The following SREBF1 variants were observed in gnomAD, a reference collection of about 807,000 sequenced individuals.
SREBF1 encodes sterol regulatory element binding transcription factor 1.
Under a neutral mutation model 100.1 loss-of-function variants are expected in SREBF1, and 45 were observed. The observed-to-expected ratio is 0.45, with a 90% CI of 0.35 to 0.58. The LOEUF is 0.58. Ranked by LOEUF, SREBF1 falls within the 20% of genes least tolerant of loss-of-function variation. The pLI is 0.00. For missense variants in SREBF1, 1,324 were observed against 1,539.4 expected, an observed-to-expected ratio of 0.86 and a Z score of 2.34; for synonymous variants, 657 against 681.8, an observed-to-expected ratio of 0.96 and a Z score of 0.57.
In SREBF1 at chr17:17,814,685, G is replaced by C; in HGVS notation, c.2665C>G (p.Arg889Gly). Reference sequence around the variant, plus strand: ...AGCCGCTCAGCCGCCTCCTCATCCCGCCGCAGCCAGTGGATCACCACAGCT... The same window carrying C: ...AGCCGCTCAGCCGCCTCCTCATCCCCCCGCAGCCAGTGGATCACCACAGCT... ...LTAVVIHWLR[R>G]DEEAAERLCP... The change falls in exon 15 of 19, where the codon CGG becomes GGG. Residue 889 changes from arginine (R) to glycine (G), a missense_variant. Physicochemically the swap from Arg to Gly is moderately radical, Grantham distance 125. Coordinates refer to ENST00000261646, the MANE Select transcript of SREBF1 (RefSeq NM_004176.5). 1 of 1,593,052 alleles carries C rather than the reference G, an allele frequency of 6.3e-7. No individual in the cohort carries two copies. Among genetic ancestry groups the C allele is most frequent in the South Asian group, 1.1e-5 (1 of 88,794 alleles).
rs150846293 is a variant in SREBF1, at chr17:17,815,882, C to T, written c.2361G>A (p.Leu787=). ...CACCTGGGTTCCCGGCCAAGCTGTA[C>T]AGGCTCTCCCATGGGGTACTGAGCA... is the stretch of plus-strand genomic sequence containing the variant. ...WSVLSTPWES[L]YSLAGNPVDP... is the part of the protein sequence containing the mutation. Residue 787 remains leucine (L), a synonymous_variant, in exon 12 of 19, where the codon CTG becomes CTA. Transcript: ENST00000261646. 62 of 1,612,766 alleles carry T rather than the reference C, an allele frequency of 3.8e-5. No homozygotes were observed. Among genetic ancestry groups the T allele is most frequent in the Admixed American group, 1.0e-4 (6 of 59,968 alleles).
chr17:17,817,395 G>A lies in SREBF1; in HGVS notation c.1467C>T (p.Ala489=). 1 of 1,604,822 alleles carries A rather than the reference G, an allele frequency of 6.2e-7. No individual in the cohort carries two copies. Among genetic ancestry groups the A allele is most frequent in the Non-Finnish European group, 8.5e-7 (1 of 1,176,206 alleles). ...GGCAGAGGAAGACGAGCGTGCACAGGGCCAGGCGGGAGCGGTCCAGCATGC... is the reference window on the plus strand; with the variant it reads ...GGCAGAGGAAGACGAGCGTGCACAGAGCCAGGCGGGAGCGGTCCAGCATGC... ...SRGMLDRSRL[A]LCTLVFLCLS... The change falls in exon 8 of 19, where the codon GCC becomes GCT. Residue 489 remains alanine, a synonymous_variant. Transcript: ENST00000261646. The surrounding 1 kb of genome is among the most constrained non-coding windows in gnomAD (Gnocchi z 6.6).
chr17:17,818,052 G>A, intron 6 of SREBF1, 136 bp from the exon 7 acceptor site: 1 of 1,004,280 alleles, frequency 1.0e-6, no homozygotes, highest in African/African-American at 1.6e-5. Flanking sequence ...GCTGGGTTAG[G>A]GCCAAAGGGA....
Position 17,817,782 on chromosome 17 carries a change from G to T in SREBF1, c.1318C>A (p.Pro440Thr). Residue 440 changes from proline (P) to threonine (T), a missense_variant, in exon 7 of 19, where the codon CCC becomes ACC. Coordinates refer to ENST00000261646, the MANE Select transcript of SREBF1 (RefSeq NM_004176.5). This position sits in a 1 kb window ranked among gnomAD's most constrained non-coding sequence, Gnocchi z 6.6. ...CTGCCCCTGCTGCCAAGGGACAAGG[G>T]GCTGCTCTGGAAAGGTGAGCCAGCA... ...SDAGSPFQSS[P>T]LSLGSRGSGS... The T allele has an allele frequency of 6.2e-7, 1 of 1,613,798 alleles. No homozygotes were observed. Among genetic ancestry groups the T allele is most frequent in the Non-Finnish European group, 8.5e-7 (1 of 1,180,002 alleles).
chr17:17,817,964 C>T lies in SREBF1; in HGVS notation c.1184-48G>A. 6.3e-7 allele frequency: 1 copy of T among 1,575,516 alleles called. No individual in the cohort carries two copies. The highest frequency in any genetic ancestry group is 8.6e-7 in the Non-Finnish European group (1 of 1,158,240). ...CCAGGAGTAAAGGCTGGATATGTGA[C>T]CCCAAATCAGAGCCTAGGCCCTTGG... is the stretch of plus-strand genomic sequence containing the variant. On this transcript the variant is annotated intron_variant, in intron 6 of 18. Coordinates refer to ENST00000261646, the MANE Select transcript of SREBF1 (RefSeq NM_004176.5). The surrounding 1 kb of genome is among the most constrained non-coding windows in gnomAD (Gnocchi z 6.6).
Position 17,819,597 on chromosome 17 carries a change from C to A in SREBF1, c.652G>T (p.Ala218Ser), listed in dbSNP as rs780364091. ...VVPQQLLTVT[A>S]APTAAPVTTT... ...GTTACAGGGGCTGCCGTGGGGGCAGCTGTGACTGTCAGTAGCTGCTGGGGG... is the reference window on the plus strand; with the variant it reads ...GTTACAGGGGCTGCCGTGGGGGCAGATGTGACTGTCAGTAGCTGCTGGGGG... Residue 218 changes from alanine (A) to serine (S), a missense_variant, in exon 3 of 19, where the codon GCT (alanine) becomes TCT (serine). Transcript: ENST00000261646. 5.0e-6 allele frequency: 8 copies of A among 1,613,620 alleles called. No homozygotes were observed. The East Asian group carries it at 1.8e-4, about 36-fold the overall frequency.
At chr17:17,819,488 T>A (rs751097981) in intron 3 of SREBF1, 34 bp from the exon 4 acceptor site, 1 of 1,613,394 alleles carries the variant, frequency 6.2e-7, no homozygotes, top group Admixed American at 1.7e-5. Context: ...GTAAGCTGTG[T>A]GTCTGGGCTG....
At chr17:17,825,217 C>A (rs186373805) in intron 1 of SREBF1, among the ~76,000 whole-genome samples, 1 of 152,246 alleles carries the variant, frequency 6.6e-6, no homozygotes, top group South Asian at 2.1e-4. Context: ...TGTGAACAGT[C>A]AAGCCTGTCC....
At chr17:17,836,568 G>A (rs2035251928) in intron 1 of SREBF1, among the ~76,000 whole-genome samples, 159 bp downstream of exon 1, 1 of 152,170 alleles carries the variant, frequency 6.6e-6, no homozygotes, top group Non-Finnish European at 1.5e-5. Flanking sequence ...AGGGAGGCTC[G>A]GTGAGGCTCG....
In SREBF1 at chr17:17,816,241, T is replaced by C; in HGVS notation, c.2180A>G (p.Lys727Arg). 1 of 1,072,702 alleles carries C rather than the reference T, an allele frequency of 9.3e-7. No homozygotes were observed. Among genetic ancestry groups the C allele is most frequent in the Non-Finnish European group, 1.1e-6 (1 of 878,540 alleles). 66.4% of individuals were successfully genotyped at this position (1,072,702 alleles called of 1,614,324 possible). A position where few individuals can be genotyped will look rare whatever the true frequency, so the allele number is the denominator to read the frequency against. ...EIYVAAALRV[K>R]TSLPRALHFL... ...ATGCAAGGCCCGTGGGAGACTGGTC[T>C]TCACTCTCAATGCAGCCGCCACATA... Residue 727 changes from lysine (K) to arginine (R), a missense_variant, in exon 11 of 19, where the codon AAG (lysine) becomes AGG (arginine). By Grantham distance (26) the Lys-to-Arg change is conservative. Transcript: ENST00000261646.
At chr17:17,814,971 G>T in intron 13 of SREBF1, 27 bp from the exon 14 acceptor site, 1 of 1,547,642 alleles carries the variant, frequency 6.5e-7, no homozygotes, top group South Asian at 1.2e-5. Flanking sequence ...CTGGCTGTCG[G>T]AACAGATGGC....
At chr17:17,822,137 G>A (rs912096530) in intron 1 of SREBF1, among the ~76,000 whole-genome samples, 5 of 152,230 alleles carry the variant, frequency 3.3e-5, no homozygotes, top group African/African-American at 9.7e-5. Context: ...AGACACTGAG[G>A]CTCAGGGAGG....
At chr17:17,821,617 G>A (rs1036364694) in intron 1 of SREBF1, among the ~76,000 whole-genome samples, 2 of 152,210 alleles carry the variant, frequency 1.3e-5, no homozygotes, top group African/African-American at 4.8e-5. Context: ...GTTTACAGGG[G>A]GAAGAGGGGT....
intron 2 of SREBF1, 171 bp downstream of exon 2, chr17:17,819,919 C>A (rs2033960515): frequency 8.7e-7 from 1 of 1,153,658 alleles, no homozygotes; most frequent in Non-Finnish European, 1.2e-6. Flanking sequence ...TTGCGCCTAC[C>A]CCGGCAACAA....
At chr17:17,818,238 G>C (rs2033801013) in intron 6 of SREBF1, 22 bp downstream of exon 6, 4 of 1,596,806 alleles carry the variant, frequency 2.5e-6, no homozygotes, top group Non-Finnish European at 3.4e-6. Flanking sequence ...CCAGACTGGA[G>C]CTCAATAAAG....
At chr17:17,836,640 T>TG in intron 1 of SREBF1, 87 bp downstream of exon 1, 1 of 1,347,164 alleles carries the variant, frequency 7.4e-7, no homozygotes, top group Non-Finnish European at 1.0e-6. Context: ...CTGGCGCCCG[T>TG]GGGGGAGACA....
In SREBF1 at chr17:17,819,707, G is replaced by T; in HGVS notation, c.542C>A (p.Thr181Asn). The T allele has an allele frequency of 6.2e-7, 1 of 1,606,780 alleles. No individual in the cohort carries two copies. Among genetic ancestry groups the T allele is most frequent in the Non-Finnish European group, 8.5e-7 (1 of 1,178,358 alleles). Residue 181 changes from threonine to asparagine, a missense_variant, in exon 3 of 19, where the codon ACC becomes AAC. Coordinates refer to ENST00000261646, the MANE Select transcript of SREBF1 (RefSeq NM_004176.5). Reference sequence around the variant, plus strand: ...TGGCAGGCCAGGCAGCGGCTGCTGGGTGTTCCCGGGAGGGCTTCCTGCAGA... The same window carrying T: ...TGGCAGGCCAGGCAGCGGCTGCTGGTTGTTCCCGGGAGGGCTTCCTGCAGA... Reference protein sequence around the residue: ...GFSTGSPPGNTQQPLPGLPLA... With the variant: ...GFSTGSPPGNNQQPLPGLPLA...
intron 1 of SREBF1, among the ~76,000 whole-genome samples, chr17:17,827,483 A>G (rs1598135526): frequency 6.6e-6 from 1 of 152,270 alleles, no homozygotes; most frequent in Admixed American, 6.5e-5. Context: ...TGCTCCCACC[A>G]GGCACTTCCT....
rs367985942 is a variant in SREBF1 at position 17,820,044 on chromosome 17, G to A, written c.523+46C>T. 11 of 1,562,672 alleles carry A rather than the reference G, an allele frequency of 7.0e-6. No homozygotes were observed. In the African/African-American group the frequency reaches 1.5e-4, roughly 21 times the overall value. On this transcript the variant is annotated intron_variant, in intron 2 of 18. Transcript: ENST00000261646. ...AGCAGAAGCTTCTTCCTGTGCTCCT[G>A]GAAGCCCCACCCCGGGTGTCCCCTC... is the stretch of plus-strand genomic sequence containing the variant.
Sources: gnomAD v4.1 joint callset for allele counts (sites outside exome capture counted in the v4.1 genomes callset) on GRCh38, gnomAD v4.1.1 for gene constraint, Gnocchi (gnomAD v3.1) non-coding constraint, MANE v1.5 for transcripts, NCBI Gene and HGNC (gene_info 2026-07-23, HGNC 2026-07-21) for gene names.